Variants in ZNF827 observed in about 807,000 individuals in gnomAD.
ZNF827 encodes zinc finger protein 827.
In ZNF827, 13 loss-of-function variants were observed where a neutral mutation model predicts 102.4. The ratio of observed to expected loss-of-function variants is 0.13; its 90% CI spans 0.08 to 0.20. The LOEUF (loss-of-function observed/expected upper bound fraction) is 0.20, where lower values mean the gene tolerates loss of function less well. ZNF827 is among the 10% of genes least tolerant of loss of function. The pLI is 1.00. For synonymous variants in ZNF827, 523 were observed against 536.2 expected, an observed-to-expected ratio of 0.98 and a Z score of 0.34; for missense variants, 1,103 against 1,344.4, an observed-to-expected ratio of 0.82 and a Z score of 2.81.
At chr4:145,937,084 C>T (rs1485303030) in intron 1 of ZNF827, among the ~76,000 whole-genome samples, 2 of 152,142 alleles carry the variant, frequency 1.3e-5, no homozygotes, top group Admixed American at 6.5e-5. Flanking sequence ...GCTTCTTTCT[C>T]CTTCACTTTT....
At chr4:145,868,947 A>G (rs1226725334) in intron 5 of ZNF827, among the ~76,000 whole-genome samples, 1 of 152,230 alleles carries the variant, frequency 6.6e-6, no homozygotes, top group Admixed American at 6.5e-5. Flanking sequence ...CATTTAACAT[A>G]GGAAGGAGAG....
chr4:145,917,930 T>C (rs2126951268), intron 1 of ZNF827, among the ~76,000 whole-genome samples: 1 of 152,226 alleles, frequency 6.6e-6, no homozygotes, highest in South Asian at 2.1e-4. Flanking sequence ...AAGAATTTCA[T>C]TAACCAGCTT....
At chr4:145,774,738 T>G in intron 10 of ZNF827, 66 bp from the exon 11 acceptor site, 1 of 1,528,722 alleles carries the variant, frequency 6.5e-7, no homozygotes, top group South Asian at 1.2e-5. Context: ...AAATGTAGGC[T>G]GTCCATTTAT....
In ZNF827 at chr4:145,779,633, A is replaced by G. The variant is rs922178652; in HGVS notation, c.2384-122T>C. 24 of 1,319,360 alleles carry G rather than the reference A, an allele frequency of 1.8e-5. No homozygotes were observed. In the African/African-American group the frequency reaches 3.4e-4, roughly 19 times the overall value. 81.7% of individuals were successfully genotyped at this position (1,319,360 alleles called of 1,614,324 possible). Reference sequence around the variant, plus strand: ...AGAATGTGGCTAGTAATTGCAAATGAGTCTCCGTAACTGGTTTTCCTGCTC... The same window carrying G: ...AGAATGTGGCTAGTAATTGCAAATGGGTCTCCGTAACTGGTTTTCCTGCTC... On this transcript the variant is annotated intron_variant, in intron 8 of 14. Coordinates refer to ENST00000508784, the MANE Select transcript of ZNF827 (RefSeq NM_001306215.2).
rs201719032 is a variant in ZNF827 at position 145,920,379 on chromosome 4, CCA to C, written c.44-17166_44-17165del. Among the ~76,000 whole-genome samples the C allele has an allele frequency of 4.6e-5, 7 of 152,318 alleles. No individual in the cohort carries two copies. In the East Asian group the frequency reaches 9.7e-4, roughly 21 times the overall value. ...AACAGCCAATAGCTGAGGGGAGACT[CCA>C]CAGTCTGGAATGTGCCACAGACTTC... On this transcript the variant is annotated intron_variant, in intron 1 of 14. Coordinates refer to ENST00000508784, the MANE Select transcript of ZNF827 (RefSeq NM_001306215.2).
rs1750663628 is a variant in ZNF827 at position 145,892,274 on chromosome 4, G to A, written c.1235C>T (p.Ala412Val). 1 of 1,611,870 alleles carries A rather than the reference G, an allele frequency of 6.2e-7. No homozygotes were observed. The change falls in exon 3 of 15, where the codon GCT becomes GTT. Residue 412 changes from alanine to valine, a missense_variant. Ala to Val is a moderately conservative substitution (Grantham distance 64). Transcript: ENST00000508784. ...HQCPLCPFRC[A>V]RKDNLKSHMK... is the part of the protein sequence containing the mutation. ...GTGGGATTTGAGATTGTCCTTGCGA[G>A]CACACCGGAATGGACAGAGCGGACA...
chr4:145,938,670 G>A lies in ZNF827; in HGVS notation c.-263C>T, dbSNP rs1037742616. 7 of 506,808 alleles carry A rather than the reference G, an allele frequency of 1.4e-5. No homozygotes were observed. In the Admixed American group the frequency reaches 1.7e-4, roughly 12 times the overall value. The allele number at this position is 506,808 out of a possible 1,614,324, so 31.4% of individuals were successfully genotyped here. On this transcript the variant is annotated 5_prime_UTR_variant, in exon 1 of 15. Coordinates refer to ENST00000508784, the MANE Select transcript of ZNF827 (RefSeq NM_001306215.2). ...TTGGTCGTGCACCTGGCTTGTCCCC[G>A]AGCGTAATATTCTTCAATGGAAACG... is the stretch of plus-strand genomic sequence containing the variant.
chr4:145,772,249 T>G (rs958239883), intron 11 of ZNF827, among the ~76,000 whole-genome samples: 1 of 152,206 alleles, frequency 6.6e-6, no homozygotes, highest in Non-Finnish European at 1.5e-5. Flanking sequence ...TAGGGCCTGC[T>G]CCAGGTGCTG....
At chr4:145,819,219 G>A (rs1198341624) in intron 8 of ZNF827, among the ~76,000 whole-genome samples, 1 of 151,938 alleles carries the variant, frequency 6.6e-6, no homozygotes, top group African/African-American at 2.4e-5. Context: ...AATAACACAC[G>A]GAAGCATCGG....
At chr4:145,796,623 C>CTTTTTTT (rs34553120) in intron 8 of ZNF827, among the ~76,000 whole-genome samples, 1 of 113,950 alleles carries the variant, frequency 8.8e-6, no homozygotes, top group Non-Finnish European at 1.8e-5. Context: ...ATTTGTTCCT[C>CTTTTTTT]TTTTTTTTTT....
intron 2 of ZNF827, among the ~76,000 whole-genome samples, chr4:145,895,245 C>A (rs1205422091): frequency 6.6e-6 from 1 of 152,198 alleles, no homozygotes; most frequent in East Asian, 1.9e-4. Context: ...GTCTTCCCCT[C>A]GCATCTTGCC....
intron 5 of ZNF827, among the ~76,000 whole-genome samples, chr4:145,856,956 C>T (rs775821559): frequency 2.0e-5 from 3 of 147,492 alleles, no homozygotes; most frequent in Non-Finnish European, 4.5e-5. Context: ...CCTCCTCCTT[C>T]TTTCTCGCTC....
chr4:145,879,112 C>T (rs1020338399), intron 4 of ZNF827, among the ~76,000 whole-genome samples: 1 of 151,856 alleles, frequency 6.6e-6, no homozygotes, highest in African/African-American at 2.4e-5. Context: ...AGACAGTTTG[C>T]TCAACTGAGA....
At chr4:145,868,229 G>A (rs1410108402) in intron 5 of ZNF827, among the ~76,000 whole-genome samples, 2 of 152,132 alleles carry the variant, frequency 1.3e-5, no homozygotes, top group African/African-American at 2.4e-5. Flanking sequence ...AGTTCCAAGC[G>A]CAAATCACAT....
chr4:145,760,746 T>G lies in ZNF827; in HGVS notation c.*870A>C. On this transcript the variant is annotated 3_prime_UTR_variant, in exon 15 of 15. Transcript: ENST00000508784. ...TTTTTTTTTTTTTTTTTGTCTTTTG[T>G]CTCTCTGTTTTTGGTACAGAACATG... is the stretch of plus-strand genomic sequence containing the variant. 2.1e-6 allele frequency: 2 copies of G among 944,440 alleles called. No individual in the cohort carries two copies. The highest frequency in any genetic ancestry group is 2.6e-6 in the Non-Finnish European group (2 of 781,382). The allele number at this position is 944,440 out of a possible 1,614,324, so 58.5% of individuals were successfully genotyped here.
At chr4:145,845,238 G>A (rs1364441093) in intron 7 of ZNF827, among the ~76,000 whole-genome samples, 1 of 152,084 alleles carries the variant, frequency 6.6e-6, no homozygotes, top group Admixed American at 6.6e-5. Flanking sequence ...CACCTACAAC[G>A]TTTCAGGTTT....
chr4:145,931,036 C>T (rs1316045098), intron 1 of ZNF827, among the ~76,000 whole-genome samples: 1 of 152,094 alleles, frequency 6.6e-6, no homozygotes, highest in African/African-American at 2.4e-5. Flanking sequence ...TCAGAGAGGC[C>T]CCTGCCTCAG....
At chr4:145,861,057 G>A (rs1747681567) in intron 5 of ZNF827, among the ~76,000 whole-genome samples, 1 of 152,184 alleles carries the variant, frequency 6.6e-6, no homozygotes, top group African/African-American at 2.4e-5. Context: ...CTTGGCAGCA[G>A]ACAAGCTACT....
At position 145,758,010 on chromosome 4, in the gene ZNF827, A is replaced by C. The variant is rs1338285625; in HGVS notation, c.*3606T>G. 1 of 152,180 alleles carries C rather than the reference A, an allele frequency of 6.6e-6. No individual in the cohort carries two copies. The highest frequency in any genetic ancestry group is 1.5e-5 in the Non-Finnish European group (1 of 68,030). The allele number at this position is 152,180 out of a possible 1,614,324, so 9.4% of individuals were successfully genotyped here. A position where few individuals can be genotyped will look rare whatever the true frequency, so the allele number is the denominator to read the frequency against. On this transcript the variant is annotated 3_prime_UTR_variant, in exon 15 of 15. Coordinates refer to ENST00000508784, the MANE Select transcript of ZNF827 (RefSeq NM_001306215.2). ...TTTTATACGGAAAGGATATCTATGGAATACATCCTTCCCTGAGTATCAAAC... is the reference window on the plus strand; with the variant it reads ...TTTTATACGGAAAGGATATCTATGGCATACATCCTTCCCTGAGTATCAAAC...
Sources: gnomAD v4.1 joint callset for allele counts (sites outside exome capture counted in the v4.1 genomes callset) on GRCh38, gnomAD v4.1.1 for gene constraint, MANE v1.5 for transcripts, NCBI Gene and HGNC (gene_info 2026-07-23, HGNC 2026-07-21) for gene names.